The following JPH1 variants were observed in gnomAD, a reference collection of about 807,000 sequenced individuals.
JPH1 encodes the protein junctophilin 1.
In JPH1, 12 loss-of-function variants were observed where a neutral mutation model predicts 53.6. The observed-to-expected ratio is 0.22, with a 90% CI of 0.14 to 0.36. JPH1 has a LOEUF of 0.36. Among genes scored for constraint, JPH1 ranks in the 10% least tolerant of loss-of-function variants. JPH1 has a pLI of 1.00. For synonymous variants in JPH1, 375 were observed against 363.8 expected (o/e 1.03, Z -0.35); for missense variants, 808 against 905.5 (o/e 0.89, Z 1.38).
chr8:74,284,968 G>A (rs1807120418), intron 2 of JPH1, among the ~76,000 whole-genome samples: 1 of 152,000 alleles, frequency 6.6e-6, no homozygotes, highest in Non-Finnish European at 1.5e-5. Flanking sequence ...GGGATTACAG[G>A]CAGGTGCCAC....
chr8:74,283,618 C>T (rs1807075767), intron 2 of JPH1, among the ~76,000 whole-genome samples: 1 of 152,202 alleles, frequency 6.6e-6, no homozygotes, highest in Admixed American at 6.5e-5. Context: ...TTTGGCTCCA[C>T]ACACTCATTT....
chr8:74,318,221 A>G (rs888044934), intron 1 of JPH1, among the ~76,000 whole-genome samples: 2 of 152,208 alleles, frequency 1.3e-5, no homozygotes, highest in African/African-American at 4.8e-5. Context: ...TGCATATTTC[A>G]CAAGTATAAA....
intron 3 of JPH1, among the ~76,000 whole-genome samples, chr8:74,254,800 T>A (rs1418255065): frequency 6.6e-6 from 1 of 152,006 alleles, no homozygotes; most frequent in East Asian, 1.9e-4. Context: ...CACAATTGCT[T>A]CAAAGAGAAT....
At chr8:74,264,586 A>T (rs1806480826) in intron 2 of JPH1, among the ~76,000 whole-genome samples, 1 of 152,216 alleles carries the variant, frequency 6.6e-6, no homozygotes, top group Non-Finnish European at 1.5e-5. Context: ...CTGGTATTTG[A>T]TATTTCAAGG....
chr8:74,314,807 A>G, intron 2 of JPH1, 54 bp downstream of exon 2: 3 of 1,576,538 alleles, frequency 1.9e-6, no homozygotes, highest in Non-Finnish European at 2.6e-6. Context: ...ATAATATTTG[A>G]TACTCCATTG....
intron 3 of JPH1, among the ~76,000 whole-genome samples, chr8:74,255,855 C>A (rs1806206667): frequency 6.6e-6 from 1 of 152,164 alleles, no homozygotes; most frequent in Admixed American, 6.5e-5. Context: ...CCATCTCACA[C>A]CAGTTAGAAT....
chr8:74,318,793 A>G (rs1192536052), intron 1 of JPH1, among the ~76,000 whole-genome samples: 2 of 152,150 alleles, frequency 1.3e-5, no homozygotes, highest in Non-Finnish European at 2.9e-5. Flanking sequence ...AAACAAGCTA[A>G]TTTTTTAGTG....
intron 2 of JPH1, among the ~76,000 whole-genome samples, chr8:74,310,912 T>C (rs1403520242): frequency 6.6e-6 from 1 of 152,152 alleles, no homozygotes; most frequent in African/African-American, 2.4e-5. Context: ...AGGGACAGTG[T>C]TGTGATCTTG....
At chr8:74,268,029 C>A (rs1806585664) in intron 2 of JPH1, among the ~76,000 whole-genome samples, 1 of 152,132 alleles carries the variant, frequency 6.6e-6, no homozygotes, top group Non-Finnish European at 1.5e-5. Flanking sequence ...CAGGTGCACA[C>A]CCCACTTTAT....
At chr8:74,311,670 C>CCA (rs1554542249) in intron 2 of JPH1, among the ~76,000 whole-genome samples, 1 of 108,058 alleles carries the variant, frequency 9.3e-6, no homozygotes, top group African/African-American at 3.5e-5. Context: ...TATCCCTCCC[C>CCA]TCCCCCCACC....
chr8:74,292,196 A>C (rs1807348789), intron 2 of JPH1, among the ~76,000 whole-genome samples: 1 of 152,150 alleles, frequency 6.6e-6, no homozygotes, highest in South Asian at 2.1e-4. Context: ...AATTAAACAG[A>C]AAAAAACGTT....
chr8:74,251,941 C>T (rs1269829012), intron 3 of JPH1, among the ~76,000 whole-genome samples: 1 of 152,122 alleles, frequency 6.6e-6, no homozygotes, highest in Non-Finnish European at 1.5e-5. Context: ...GCTACAGTAA[C>T]CAAAACAGCA....
intron 2 of JPH1, among the ~76,000 whole-genome samples, chr8:74,277,369 A>G (rs749538223): frequency 4.1e-4 from 63 of 152,226 alleles, no homozygotes; most frequent in Non-Finnish European, 7.3e-4. Context: ...TGTTACAACC[A>G]CAGCATACCT....
At chr8:74,278,124 AG>A (rs1368744308) in intron 2 of JPH1, among the ~76,000 whole-genome samples, 1 of 152,160 alleles carries the variant, frequency 6.6e-6, no homozygotes. Flanking sequence ...GTGTTGTGGG[AG>A]GGACCTGGTG....
At chr8:74,313,814 G>A (rs989250478) in intron 2 of JPH1, among the ~76,000 whole-genome samples, 2 of 152,302 alleles carry the variant, frequency 1.3e-5, no homozygotes, top group East Asian at 3.9e-4. Flanking sequence ...TATGCTTCAA[G>A]TCTTACAAAG....
At chr8:74,287,502 T>G (rs1052763740) in intron 2 of JPH1, among the ~76,000 whole-genome samples, 1 of 152,166 alleles carries the variant, frequency 6.6e-6, no homozygotes, top group Admixed American at 6.5e-5. Context: ...CTGATTGTTA[T>G]GAGCCCCAAG....
intron 2 of JPH1, among the ~76,000 whole-genome samples, chr8:74,291,152 A>G (rs1476851024): frequency 1.3e-5 from 2 of 152,152 alleles, no homozygotes; most frequent in African/African-American, 2.4e-5. Flanking sequence ...AAGCTAAAGA[A>G]CTTCTGCACA....
intron 1 of JPH1, among the ~76,000 whole-genome samples, chr8:74,318,658 T>C (rs1192899178): frequency 6.6e-6 from 1 of 152,170 alleles, no homozygotes; most frequent in African/African-American, 2.4e-5. Context: ...TCCAGTTTAA[T>C]GTCACCACAA....
chr8:74,272,750 C>T (rs1156664368), intron 2 of JPH1, among the ~76,000 whole-genome samples: 8 of 152,094 alleles, frequency 5.3e-5, no homozygotes, highest in Non-Finnish European at 8.8e-5. Context: ...ACTACAGGCG[C>T]GCGCCACCAT....
Sources: allele counts gnomAD v4.1 joint callset (sites outside exome capture counted in the v4.1 genomes callset), GRCh38; gene constraint gnomAD v4.1.1; transcripts MANE v1.5; gene names NCBI Gene and HGNC (gene_info 2026-07-23, HGNC 2026-07-21).